DNAH3: variants seen among roughly 807,000 people sequenced by gnomAD.
The protein encoded by DNAH3 is dynein axonemal heavy chain 3.
DNAH3 carries 332 observed loss-of-function variants against 432.5 expected under a neutral mutation model. The observed-to-expected ratio is 0.77, with a 90% confidence interval of 0.70 to 0.84. The LOEUF (loss-of-function observed/expected upper bound fraction) is 0.84, where lower values mean the gene tolerates loss of function less well. Among genes scored for constraint, DNAH3 ranks in the 40% least tolerant of loss-of-function variants. The pLI, the probability that DNAH3 is intolerant of heterozygous loss-of-function variation, is 0.00. For synonymous variants in DNAH3, 1,956 were observed against 1,900.2 expected, an observed-to-expected ratio of 1.03 and a Z score of -0.76; for missense variants, 4,861 against 5,114.0, an observed-to-expected ratio of 0.95 and a Z score of 1.51.
At chr16:21,127,903 C>T in intron 7 of DNAH3, 91 bp from the exon 9 acceptor site, 1 of 1,478,408 alleles carries the variant, frequency 6.8e-7, no homozygotes. Flanking sequence ...GTTCACGTTT[C>T]TCAATGAAAG....
At chr16:21,048,010 A>G (rs1287903449) in intron 31 of DNAH3, among the ~76,000 whole-genome samples, 6 of 152,160 alleles carry the variant, frequency 3.9e-5, no homozygotes, top group Non-Finnish European at 8.8e-5. Context: ...TCAGGGACCC[A>G]CTTGAGGAAG....
At chr16:20,963,694 A>G in exon 53 of DNAH3, 1 of 1,614,054 alleles carries the variant, frequency 6.2e-7, no homozygotes, top group Non-Finnish European at 8.5e-7. Flanking sequence ...GCCTCCAGTG[A>G]GAAGGAAGTA....
intron 49 of DNAH3, 50 bp downstream of exon 49, chr16:20,982,671 G>T: frequency 6.7e-7 from 1 of 1,499,722 alleles, no homozygotes; most frequent in Non-Finnish European, 9.1e-7. Context: ...GCCAGCGTCT[G>T]GACTTCAAAT....
At chr16:20,943,915 C>T (rs981380123) in intron 58 of DNAH3, among the ~76,000 whole-genome samples, 5 of 151,436 alleles carry the variant, frequency 3.3e-5, no homozygotes, top group Admixed American at 6.6e-5. Context: ...GCCTGGGAGG[C>T]GGAGGTTGCA....
chr16:20,998,413 C>T (rs1311272225), intron 43 of DNAH3, among the ~76,000 whole-genome samples: 2 of 152,070 alleles, frequency 1.3e-5, no homozygotes, highest in African/African-American at 4.8e-5. Context: ...CCACCACGCC[C>T]AGCTAATTTT....
At chr16:21,011,733 G>T (rs957999825) in intron 41 of DNAH3, among the ~76,000 whole-genome samples, 34 of 151,942 alleles carry the variant, frequency 2.2e-4, no homozygotes, top group Non-Finnish European at 1.6e-4. Flanking sequence ...GGTGCAGAAA[G>T]ACCTAACTTT....
chr16:21,085,281 T>A (rs2091327196), intron 19 of DNAH3, among the ~76,000 whole-genome samples: 1 of 152,010 alleles, frequency 6.6e-6, no homozygotes, highest in African/African-American at 2.4e-5. Flanking sequence ...CGGTGGCTCA[T>A]GCCTATAATC....
Position 21,104,641 on chromosome 16 carries a change from CG to C in DNAH3, c.2285-90del, listed in dbSNP as rs756075734. The C allele has an allele frequency of 1.6e-5, 19 of 1,188,008 alleles. 1 individual carries two copies. The Admixed American group carries it at 2.9e-4, about 18-fold the overall frequency. 73.6% of individuals were successfully genotyped at this position (1,188,008 alleles called of 1,614,324 possible). A position where few individuals can be genotyped will look rare whatever the true frequency, so the allele number is the denominator to read the frequency against. On this transcript the variant is annotated intron_variant, in intron 15 of 61. Transcript: ENST00000261383. The stretch of plus-strand genomic sequence containing the variant: ...CTCCAGGACACTGTTTAGCATAGGT[CG>C]GGTCAGCATGTGGCGAATTAATTAG...
chr16:21,147,175 A>C (rs2092796181), intron 1 of DNAH3, among the ~76,000 whole-genome samples: 1 of 151,026 alleles, frequency 6.6e-6, no homozygotes, highest in African/African-American at 2.4e-5. Flanking sequence ...CCAGTACCCT[A>C]CCCTCAGGTA....
chr16:21,123,168 T>C (rs866689854), intron 9 of DNAH3, among the ~76,000 whole-genome samples: 1 of 151,762 alleles, frequency 6.6e-6, no homozygotes, highest in Non-Finnish European at 1.5e-5. Flanking sequence ...CTAATGAGCA[T>C]AGTTTATTTT....
intron 18 of DNAH3, among the ~76,000 whole-genome samples, chr16:21,088,843 A>G (rs927674699): frequency 3.9e-5 from 6 of 152,238 alleles, no homozygotes; most frequent in East Asian, 1.9e-4. Context: ...TCATTCTTCA[A>G]GGTTAATGAT....
At chr16:21,133,089 C>T (rs2152822317) in intron 7 of DNAH3, among the ~76,000 whole-genome samples, 1 of 152,102 alleles carries the variant, frequency 6.6e-6, no homozygotes, top group South Asian at 2.1e-4. Flanking sequence ...TGGTGGCTTA[C>T]ACCTGTAATC....
chr16:21,099,331 T>C (rs535797500), intron 16 of DNAH3, among the ~76,000 whole-genome samples: 6 of 152,214 alleles, frequency 3.9e-5, no homozygotes, highest in East Asian at 3.9e-4. Flanking sequence ...AATAAATCCA[T>C]AGACAGGACA....
intron 14 of DNAH3, among the ~76,000 whole-genome samples, chr16:21,107,075 C>T (rs2091964416): frequency 6.6e-6 from 1 of 150,982 alleles, no homozygotes; most frequent in South Asian, 2.1e-4. Context: ...GGTGTCAGAG[C>T]CAAGATCTGA....
intron 1 of DNAH3, chr16:21,159,203 A>G: frequency 1.0e-6 from 1 of 959,080 alleles, no homozygotes; most frequent in Non-Finnish European, 1.7e-6. Flanking sequence ...ATCGCTGCAG[A>G]GAGATCTGCA....
exon 53 of DNAH3, chr16:20,964,956 T>C (rs2084987337): frequency 1.9e-6 from 3 of 1,614,082 alleles, no homozygotes; most frequent in Middle Eastern, 1.6e-4. Flanking sequence ...TGTCCTTCTC[T>C]CCCCCAAGAC....
At chr16:21,140,621 C>T in exon 5 of DNAH3, 7 of 1,614,172 alleles carry the variant, frequency 4.3e-6, no homozygotes, top group Non-Finnish European at 5.9e-6. Flanking sequence ...CTGTTCTGGA[C>T]TCATTGGTCT....
intron 41 of DNAH3, among the ~76,000 whole-genome samples, chr16:21,003,956 G>A (rs1373756229): frequency 6.6e-6 from 1 of 151,992 alleles, no homozygotes; most frequent in East Asian, 1.9e-4. Context: ...TTATAAGAAG[G>A]GGACTCATTG....
rs915733728 is a variant in DNAH3 at position 20,942,110 on chromosome 16, C to T, written c.11512-567G>A. Reference sequence around the variant, plus strand: ...AAGAGTCGTGTCCTGACACCTCAGGCAAGAGCCGAAGGGCCAGGAAGGGAA... The same window carrying T: ...AAGAGTCGTGTCCTGACACCTCAGGTAAGAGCCGAAGGGCCAGGAAGGGAA... On this transcript the variant is annotated intron_variant, in intron 58 of 61. Coordinates refer to ENST00000261383, the Ensembl canonical transcript of DNAH3. 2.0e-5 allele frequency among the ~76,000 whole-genome samples: 3 copies of T among 150,978 alleles called. No individual in the cohort carries two copies. In the East Asian group the frequency reaches 5.8e-4, roughly 29 times the overall value.
Sources: allele counts gnomAD v4.1 joint callset (sites outside exome capture counted in the v4.1 genomes callset), GRCh38; gene constraint gnomAD v4.1.1; transcripts MANE v1.5; gene names NCBI Gene and HGNC (gene_info 2026-07-23, HGNC 2026-07-21).